The following ZSWIM6 variants were observed in gnomAD, a reference collection of about 807,000 sequenced individuals.
ZSWIM6 encodes the protein zinc finger SWIM-type containing 6, also known as zinc finger SWIM domain-containing protein 6.
A neutral mutation model predicts 113.2 loss-of-function variants in ZSWIM6; 9 were observed. The observed-to-expected ratio is 0.08, with a 90% confidence interval of 0.05 to 0.14. ZSWIM6 has a LOEUF of 0.14. Ranked by LOEUF, ZSWIM6 falls within the 10% of genes least tolerant of loss-of-function variation. The pLI, the probability that ZSWIM6 is intolerant of heterozygous loss-of-function variation, is 1.00. For missense variants in ZSWIM6, 1,162 were observed against 1,552.2 expected (o/e 0.75, Z 4.22); for synonymous variants, 611 against 606.5 (o/e 1.01, Z -0.11).
intron 1 of ZSWIM6, among the ~76,000 whole-genome samples, chr5:61,385,513 C>T (rs1745576636): frequency 6.6e-6 from 1 of 152,170 alleles, no homozygotes; most frequent in South Asian, 2.1e-4. Flanking sequence ...CCATTACTAC[C>T]ATTGTGACCT....
At chr5:61,381,948 T>C (rs1201013384) in intron 1 of ZSWIM6, among the ~76,000 whole-genome samples, 1 of 152,242 alleles carries the variant, frequency 6.6e-6, no homozygotes, top group Non-Finnish European at 1.5e-5. Flanking sequence ...TGGTTGTAGC[T>C]AACGTGTTGT....
Position 61,332,414 on chromosome 5 carries a change from G to A in ZSWIM6, c.142G>A (p.Ala48Thr), listed in dbSNP as rs1244678082. The A allele has an allele frequency of 2.0e-6, 2 of 997,488 alleles. No homozygotes were observed. Among genetic ancestry groups the A allele is most frequent in the Non-Finnish European group, 2.4e-6 (2 of 840,166 alleles). 61.8% of individuals were successfully genotyped at this position (997,488 alleles called of 1,614,324 possible). ...YSSACRPGPRAGGAAAAAACG... is the reference protein window; with the variant it reads ...YSSACRPGPRTGGAAAAAACG... ...CTCTGCCTGTCGGCCAGGCCCGCGG[G>A]CGGGTGGCGCGGCGGCGGCGGCGGC... Residue 48 changes from alanine to threonine, a missense_variant, in exon 1 of 14, where the codon GCG (alanine) becomes ACG (threonine). Ala to Thr is a moderately conservative substitution (Grantham distance 58). Around this residue, in one of 4 missense-constraint regions of ZSWIM6, gnomAD observed 333 missense variants for 293.4 expected, o/e 1.13. Coordinates refer to ENST00000252744, the MANE Select transcript of ZSWIM6 (RefSeq NM_020928.2).
intron 1 of ZSWIM6, among the ~76,000 whole-genome samples, chr5:61,454,876 C>T (rs886191246): frequency 4.7e-5 from 7 of 149,636 alleles, no homozygotes; most frequent in Admixed American, 4.0e-4. Context: ...GAGCCACTGC[C>T]CCCAGTGAAG....
At chr5:61,399,231 GTTTTT>G in intron 1 of ZSWIM6, among the ~76,000 whole-genome samples, 2 of 117,982 alleles carry the variant, frequency 1.7e-5, no homozygotes, top group African/African-American at 6.2e-5. Context: ...GGCTGTGTAT[GTTTTT>G]TTTTTTTTTT....
At chr5:61,523,477 CA>C (rs1271293251) in intron 5 of ZSWIM6, among the ~76,000 whole-genome samples, 3 of 152,004 alleles carry the variant, frequency 2.0e-5, no homozygotes, top group African/African-American at 7.2e-5. Flanking sequence ...AGTAGAAGAA[CA>C]AAAATATCTC....
rs1398459382 is a variant in ZSWIM6 at position 61,332,925 on chromosome 5, G to T, written c.653G>T (p.Cys218Phe). 9 of 1,361,034 alleles carry T rather than the reference G, an allele frequency of 6.6e-6. No homozygotes were observed. Among genetic ancestry groups the T allele is most frequent in the Non-Finnish European group, 8.6e-6 (9 of 1,044,982 alleles). 84.3% of individuals were successfully genotyped at this position (1,361,034 alleles called of 1,614,324 possible). A position where few individuals can be genotyped will look rare whatever the true frequency, so the allele number is the denominator to read the frequency against. The stretch of plus-strand genomic sequence containing the variant: ...GGCATCGCGCTGTTGGAAAGCGGCT[G>T]CGTAGACAACGTCCTGCAAGTCGGT... Reference protein sequence around the residue: ...RRGIALLESGCVDNVLQVGFH... With the variant: ...RRGIALLESGFVDNVLQVGFH... Residue 218 changes from cysteine to phenylalanine, a missense_variant, in exon 1 of 14, where the codon TGC (cysteine) becomes TTC (phenylalanine). Cys to Phe is a radical substitution (Grantham distance 205, BLOSUM62 -2). Coordinates refer to ENST00000252744, the MANE Select transcript of ZSWIM6 (RefSeq NM_020928.2).
intron 3 of ZSWIM6, 105 bp from the exon 4 acceptor site, chr5:61,494,154 AG>A: frequency 8.1e-7 from 1 of 1,231,326 alleles, no homozygotes; most frequent in Non-Finnish European, 1.1e-6. Flanking sequence ...ACGGAGAGAG[AG>A]AGAGAGAAAC....
chr5:61,485,388 C>T (rs1164958069), intron 2 of ZSWIM6, among the ~76,000 whole-genome samples: 2 of 152,150 alleles, frequency 1.3e-5, no homozygotes, highest in South Asian at 2.1e-4. Flanking sequence ...ATAGTATATC[C>T]AGCTTCCTCC....
At chr5:61,501,352 T>C (rs1162619701) in intron 4 of ZSWIM6, among the ~76,000 whole-genome samples, 3 of 152,222 alleles carry the variant, frequency 2.0e-5, no homozygotes, top group African/African-American at 7.2e-5. Flanking sequence ...GGATAAATAC[T>C]TGCTGTGTAC....
At chr5:61,417,793 T>C (rs534451280) in intron 1 of ZSWIM6, among the ~76,000 whole-genome samples, 1 of 152,324 alleles carries the variant, frequency 6.6e-6, no homozygotes, top group South Asian at 2.1e-4. Context: ...AATGGGTAGA[T>C]TGTTTATCTG....
chr5:61,535,645 A>G (rs1388728127), intron 10 of ZSWIM6, 26 bp downstream of exon 10: 2 of 1,549,868 alleles, frequency 1.3e-6, no homozygotes, highest in East Asian at 2.4e-5. Flanking sequence ...CCAGCTGGGC[A>G]GAGGCAGGCC....
rs940365940 is a variant in ZSWIM6, at chr5:61,425,733, G to T, written c.677-46948G>T. Among the ~76,000 whole-genome samples, 3 of 152,148 alleles carry T rather than the reference G, an allele frequency of 2.0e-5. No homozygotes were observed. The East Asian group carries it at 5.8e-4, about 29-fold the overall frequency. ...GGTTCATCAGAAAGAGAAGGCCATT[G>T]GTAAAGGACATTTTGGGCAGAGGGA... On this transcript the variant is annotated intron_variant, in intron 1 of 13. Transcript: ENST00000252744.
At chr5:61,420,974 C>T (rs1199889724) in intron 1 of ZSWIM6, among the ~76,000 whole-genome samples, 1 of 151,182 alleles carries the variant, frequency 6.6e-6, no homozygotes, top group African/African-American at 2.4e-5. Flanking sequence ...GGCTGGAGTG[C>T]AGTGGTGGGG....
intron 1 of ZSWIM6, among the ~76,000 whole-genome samples, chr5:61,388,733 C>T (rs1451828178): frequency 6.6e-6 from 1 of 152,204 alleles, no homozygotes; most frequent in East Asian, 1.9e-4. Flanking sequence ...AACTGCTTTG[C>T]TGTGTAGTGA....
chr5:61,440,797 G>A (rs536463168), intron 1 of ZSWIM6, among the ~76,000 whole-genome samples: 5 of 152,262 alleles, frequency 3.3e-5, no homozygotes, highest in South Asian at 2.1e-4. Flanking sequence ...CATTTAATGC[G>A]TGCCAGCCAT....
At chr5:61,422,751 G>T (rs1046901886) in intron 1 of ZSWIM6, among the ~76,000 whole-genome samples, 2 of 151,960 alleles carry the variant, frequency 1.3e-5, no homozygotes, top group Admixed American at 1.3e-4. Flanking sequence ...TTACATTAGT[G>T]TTTTATAATT....
At chr5:61,414,610 T>G (rs548851141) in intron 1 of ZSWIM6, among the ~76,000 whole-genome samples, 1 of 152,160 alleles carries the variant, frequency 6.6e-6, no homozygotes, top group Non-Finnish European at 1.5e-5. Flanking sequence ...TGAATTACTT[T>G]ATGGGAGGAG....
chr5:61,533,739 A>G (rs868113382), intron 9 of ZSWIM6, among the ~76,000 whole-genome samples: 6 of 152,232 alleles, frequency 3.9e-5, no homozygotes, highest in Non-Finnish European at 7.3e-5. Flanking sequence ...TAGATTTGCT[A>G]TAATTAGTCC....
At position 61,538,729 on chromosome 5, in the gene ZSWIM6, CTCTGGCTTCTGTTGGCCAGTCTT is replaced by C; in HGVS notation, c.2382-78_2382-56del. The C allele has an allele frequency of 6.2e-6, 9 of 1,449,464 alleles. No homozygotes were observed. In the South Asian group the frequency reaches 1.1e-4, roughly 18 times the overall value. The allele number at this position is 1,449,464 out of a possible 1,614,324, so 89.8% of individuals were successfully genotyped here. A position where few individuals can be genotyped will look rare whatever the true frequency, so the allele number is the denominator to read the frequency against. On this transcript the variant is annotated intron_variant, in intron 10 of 13. Coordinates refer to ENST00000252744, the MANE Select transcript of ZSWIM6 (RefSeq NM_020928.2). ...TAGAGGCCTGAACATCTACCCACTC[CTCTGGCTTCTGTTGGCCAGTCTT>C]TCTGGCCAAGGACATGGTCAAGAAA...
Sources: allele counts gnomAD v4.1 joint callset (sites outside exome capture counted in the v4.1 genomes callset), GRCh38; gene constraint gnomAD v4.1.1; regional missense constraint gnomAD v4.1.1; transcripts MANE v1.5; gene names NCBI Gene and HGNC (gene_info 2026-07-23, HGNC 2026-07-21).